FAM210A: variants seen among roughly 807,000 people sequenced by gnomAD.
FAM210A encodes the protein family with sequence similarity 210 member A.
FAM210A carries 13 observed loss-of-function variants against 25.3 expected under a neutral mutation model. That is an observed-to-expected ratio of 0.51 (90% CI 0.33 to 0.82). The LOEUF is 0.82. FAM210A is among the 40% of genes least tolerant of loss of function. The pLI, the probability that FAM210A is intolerant of heterozygous loss-of-function variation, is 0.02. For synonymous variants in FAM210A, 125 were observed against 118.7 expected (o/e 1.05, Z -0.35); for missense variants, 319 against 323.2 (o/e 0.99, Z 0.10).
At chr18:13,715,717 G>C (rs1221916257) in intron 1 of FAM210A, among the ~76,000 whole-genome samples, 1 of 152,170 alleles carries the variant, frequency 6.6e-6, no homozygotes, top group Non-Finnish European at 1.5e-5. Context: ...ATGGAAAAAA[G>C]TATATTTTTA....
At position 13,681,822 on chromosome 18, in the gene FAM210A, C is replaced by T; in HGVS notation, c.256G>A (p.Gly86Arg). The T allele has an allele frequency of 6.2e-7, 1 of 1,614,202 alleles. No individual in the cohort carries two copies. Among genetic ancestry groups the T allele is most frequent in the Non-Finnish European group, 8.5e-7 (1 of 1,180,042 alleles). The part of the protein sequence containing the change: ...PQPGVLRHKQ[G>R]KQHVSFRRVF... Reference sequence around the variant, plus strand: ...CTCCTGAATGAAACATGTTGCTTCCCTTGCTTATGGCGAAGGACTCCTGGT... The same window carrying T: ...CTCCTGAATGAAACATGTTGCTTCCTTTGCTTATGGCGAAGGACTCCTGGT... The change falls in exon 2 of 4, where the codon GGG (glycine) becomes AGG (arginine). Residue 86 changes from glycine (G) to arginine (R), a missense_variant. Coordinates refer to ENST00000651643, the MANE Select transcript of FAM210A (RefSeq NM_152352.4).
chr18:13,706,691 T>C (rs998401091), intron 1 of FAM210A, among the ~76,000 whole-genome samples: 1 of 152,254 alleles, frequency 6.6e-6, no homozygotes, highest in African/African-American at 2.4e-5. Flanking sequence ...TAGCAGTTTC[T>C]ACTGTAAAGG....
chr18:13,718,530 A>AAAAAAAG (rs1376688757), intron 1 of FAM210A, among the ~76,000 whole-genome samples: 1 of 152,170 alleles, frequency 6.6e-6, no homozygotes, highest in Non-Finnish European at 1.5e-5. Context: ...AAAGGCCAAA[A>AAAAAAAG]AAAAAAGAAA....
intron 1 of FAM210A, among the ~76,000 whole-genome samples, chr18:13,684,399 A>G (rs1286625294): frequency 2.6e-5 from 4 of 152,178 alleles, no homozygotes; most frequent in Non-Finnish European, 5.9e-5. Flanking sequence ...ACTCGTCTCA[A>G]AAAAAGAAAA....
chr18:13,691,025 G>A (rs140897847), intron 1 of FAM210A, among the ~76,000 whole-genome samples: 2,707 of 152,260 alleles, frequency 0.018, 30 homozygotes, highest in Middle Eastern at 0.061. Flanking sequence ...TTAGACAAAT[G>A]GCTAACTAGA....
chr18:13,725,175 T>C (rs1336189032), intron 1 of FAM210A, among the ~76,000 whole-genome samples: 1 of 152,202 alleles, frequency 6.6e-6, no homozygotes, highest in African/African-American at 2.4e-5. Context: ...GAACAGGGAA[T>C]GTAATTGCCT....
chr18:13,687,269 G>A (rs528020556), intron 1 of FAM210A, among the ~76,000 whole-genome samples: 8 of 152,238 alleles, frequency 5.3e-5, no homozygotes, highest in African/African-American at 1.9e-4. Context: ...CAGGTATGGC[G>A]GGGGCAGGAG....
At chr18:13,716,816 T>G (rs149649138) in intron 1 of FAM210A, among the ~76,000 whole-genome samples, 1 of 152,214 alleles carries the variant, frequency 6.6e-6, no homozygotes, top group African/African-American at 2.4e-5. Flanking sequence ...GGAAGTTTCC[T>G]GAGGCCTCTC....
At position 13,690,763 on chromosome 18, in the gene FAM210A, C is replaced by A. The variant is rs185296293; in HGVS notation, c.-28-8658G>T. ...CAAAACCCCATCTGTACATCACCATCATCAAGACCAAAGGTAGATAAAACA... is the reference window on the plus strand; with the variant it reads ...CAAAACCCCATCTGTACATCACCATAATCAAGACCAAAGGTAGATAAAACA... On this transcript the variant is annotated intron_variant, in intron 1 of 3. Transcript: ENST00000651643. 6.6e-4 allele frequency among the ~76,000 whole-genome samples: 101 copies of A among 152,290 alleles called. 1 individual carries two copies. Among genetic ancestry groups the A allele is most frequent in the African/African-American group, 2.3e-3 (96 of 41,550 alleles).
intron 1 of FAM210A, among the ~76,000 whole-genome samples, chr18:13,709,478 T>G (rs1167298365): frequency 6.6e-6 from 1 of 152,194 alleles, no homozygotes; most frequent in Non-Finnish European, 1.5e-5. Context: ...CCTGGAAGCC[T>G]TTGTTCAATT....
At chr18:13,677,122 T>A (rs1286724149) in intron 2 of FAM210A, among the ~76,000 whole-genome samples, 1 of 151,176 alleles carries the variant, frequency 6.6e-6, no homozygotes, top group Non-Finnish European at 1.5e-5. Flanking sequence ...TCGCCCAGGC[T>A]GGAGTGCAGT....
chr18:13,710,473 C>T (rs1023354359), intron 1 of FAM210A: 1 of 152,278 alleles, frequency 6.6e-6, no homozygotes, highest in Non-Finnish European at 1.5e-5. Flanking sequence ...CATGAGCTAC[C>T]GTGCCCGGCC....
At chr18:13,692,308 T>C (rs1176135212) in intron 1 of FAM210A, among the ~76,000 whole-genome samples, 1 of 152,072 alleles carries the variant, frequency 6.6e-6, no homozygotes, top group Non-Finnish European at 1.5e-5. Context: ...ATGGGAGATT[T>C]TAACACCCCA....
chr18:13,714,913 T>C (rs2043848076), intron 1 of FAM210A, among the ~76,000 whole-genome samples: 1 of 152,092 alleles, frequency 6.6e-6, no homozygotes. Flanking sequence ...ATGAATAGCG[T>C]CCTCATGTAT....
chr18:13,707,417 T>C (rs1009955410), intron 1 of FAM210A, among the ~76,000 whole-genome samples: 24 of 152,312 alleles, frequency 1.6e-4, no homozygotes, highest in African/African-American at 5.5e-4. Flanking sequence ...CCAGGTTTTG[T>C]TTTTCTCCTA....
At chr18:13,700,502 C>G (rs547768126) in intron 1 of FAM210A, among the ~76,000 whole-genome samples, 1 of 152,296 alleles carries the variant, frequency 6.6e-6, no homozygotes, top group South Asian at 2.1e-4. Context: ...ACCAAACTGT[C>G]TGAAGACCCC....
rs191022947 is a variant in FAM210A, at chr18:13,692,054, G to T, written c.-28-9949C>A. Among the ~76,000 whole-genome samples the T allele has an allele frequency of 2.8e-3, 349 of 124,426 alleles. 3 individuals are homozygous for T. Among genetic ancestry groups the T allele is most frequent in the Admixed American group, 8.3e-3 (92 of 11,088 alleles). 81.6% of individuals were successfully genotyped at this position (124,426 alleles called of 152,430 possible). ...ACAGACTCAAAATAAAGGGATGGAGGAAGATATACTAAGCAAATGGAAAAC... is the reference window on the plus strand; with the variant it reads ...ACAGACTCAAAATAAAGGGATGGAGTAAGATATACTAAGCAAATGGAAAAC... On this transcript the variant is annotated intron_variant, in intron 1 of 3. Coordinates refer to ENST00000651643, the MANE Select transcript of FAM210A (RefSeq NM_152352.4).
At chr18:13,669,239 C>T (rs539279162) in intron 3 of FAM210A, among the ~76,000 whole-genome samples, 4 of 152,260 alleles carry the variant, frequency 2.6e-5, no homozygotes, top group East Asian at 1.9e-4. Context: ...CCCCTGATCC[C>T]GCCATGGTCT....
At chr18:13,674,758 C>A in intron 2 of FAM210A, among the ~76,000 whole-genome samples, 1 of 33,394 alleles carries the variant, frequency 3.0e-5, no homozygotes, top group Non-Finnish European at 6.2e-5. Context: ...ATTCCTGAGC[C>A]CCGACTTTAT....
Sources: gnomAD v4.1 joint callset for allele counts (sites outside exome capture counted in the v4.1 genomes callset) on GRCh38, gnomAD v4.1.1 for gene constraint, MANE v1.5 for transcripts, NCBI Gene and HGNC (gene_info 2026-07-23, HGNC 2026-07-21) for gene names.